Variants in TOGARAM1 observed in about 807,000 individuals in gnomAD.
TOGARAM1 encodes the protein TOG array regulator of axonemal microtubules 1.
TOGARAM1 carries 100 observed loss-of-function variants against 166.6 expected under a neutral mutation model. That is an observed-to-expected ratio of 0.60 (90% CI 0.51 to 0.71). The LOEUF is 0.71. Among genes scored for constraint, TOGARAM1 ranks in the 30% least tolerant of loss-of-function variants. TOGARAM1 has a pLI of 0.00. For missense variants in TOGARAM1, 2,029 were observed against 2,102.7 expected (o/e 0.96, Z 0.69); for synonymous variants, 758 against 763.8 (o/e 0.99, Z 0.13).
chr14:45,006,196 T>G lies in TOGARAM1; in HGVS notation c.2833T>G (p.Cys945Gly). 1 of 1,613,480 alleles carries G rather than the reference T, an allele frequency of 6.2e-7. No homozygotes were observed. Among genetic ancestry groups the G allele is most frequent in the Non-Finnish European group, 8.5e-7 (1 of 1,179,532 alleles). ...GAAAGAGCCTGATGATATTTGGAAG[T>G]GTGAAAAAGATAGTCTTCCAATTGA... ...KKKEPDDIWK[C>G]EKDSLPIDLS... Residue 945 changes from cysteine (C) to glycine (G), a missense_variant, in exon 5 of 20, where the codon TGT becomes GGT. Physicochemically the swap from Cys to Gly is radical, Grantham distance 159. This residue lies in a region of TOGARAM1 where 1,453 missense variants were observed against 1,432.2 expected (regional missense o/e 1.01). Coordinates refer to ENST00000361462, the MANE Select transcript of TOGARAM1 (RefSeq NM_001308120.2).
At chr14:44,994,620 T>A (rs762893848) in intron 1 of TOGARAM1, among the ~76,000 whole-genome samples, 8 of 152,172 alleles carry the variant, frequency 5.3e-5, no homozygotes, top group South Asian at 2.1e-4. Flanking sequence ...GATTTCACTA[T>A]GTTGCCAAGG....
At chr14:45,002,883 G>T (rs1417412565) in intron 3 of TOGARAM1, among the ~76,000 whole-genome samples, 2 of 152,166 alleles carry the variant, frequency 1.3e-5, no homozygotes, top group African/African-American at 4.8e-5. Context: ...GGAGGCTGAA[G>T]CAGGAGAATG....
chr14:45,049,088 A>C (rs1175679496), intron 14 of TOGARAM1, among the ~76,000 whole-genome samples: 2 of 119,210 alleles, frequency 1.7e-5, no homozygotes, highest in African/African-American at 3.1e-5. Context: ...AAAAAAAAAG[A>C]CTGAGGTCTG....
Position 45,066,813 on chromosome 14 carries a change from C to T in TOGARAM1, c.4749+46C>T, listed in dbSNP as rs770332747. 25 of 1,496,892 alleles carry T rather than the reference C, an allele frequency of 1.7e-5. No homozygotes were observed. In the East Asian group the frequency reaches 4.3e-4, roughly 26 times the overall value. 92.7% of individuals were successfully genotyped at this position (1,496,892 alleles called of 1,614,324 possible). Reference sequence around the variant, plus strand: ...ATTTTAATGTGGGTATGGTGGCTCACGCCTGTAATCCAAGCACTTTGGGAA... The same window carrying T: ...ATTTTAATGTGGGTATGGTGGCTCATGCCTGTAATCCAAGCACTTTGGGAA... On this transcript the variant is annotated intron_variant, in intron 17 of 19. Coordinates refer to ENST00000361462, the MANE Select transcript of TOGARAM1 (RefSeq NM_001308120.2).
chr14:45,039,220 G>A (rs1881596189), intron 11 of TOGARAM1, among the ~76,000 whole-genome samples: 1 of 152,160 alleles, frequency 6.6e-6, no homozygotes, highest in African/African-American at 2.4e-5. Context: ...TTTCTCCACA[G>A]GCAGGTCATC....
intron 1 of TOGARAM1, among the ~76,000 whole-genome samples, chr14:44,984,248 G>A (rs1028063814): frequency 2.6e-5 from 4 of 151,798 alleles, no homozygotes; most frequent in African/African-American, 9.7e-5. Flanking sequence ...CGGTTAAAAT[G>A]ATTTAAAACA....
At chr14:45,012,690 C>T (rs1879880346) in intron 7 of TOGARAM1, among the ~76,000 whole-genome samples, 1 of 152,126 alleles carries the variant, frequency 6.6e-6, no homozygotes, top group East Asian at 1.9e-4. Context: ...TAAACTGTAA[C>T]AAATTGGTAT....
At chr14:44,975,642 T>G (rs1290103526) in intron 1 of TOGARAM1, among the ~76,000 whole-genome samples, 1 of 152,104 alleles carries the variant, frequency 6.6e-6, no homozygotes, top group African/African-American at 2.4e-5. Context: ...AATTTTTGTA[T>G]TTTTAGTGGA....
Position 45,011,960 on chromosome 14 carries a change from T to C in TOGARAM1, c.3138-15T>C. ...AAATCTTAATGTTTATTGAAATTAC[T>C]TTGTTTCATTGCAGGTCAGACATAT... On this transcript the variant is annotated splice_polypyrimidine_tract_variant and intron_variant, in intron 6 of 19. Transcript: ENST00000361462. 6.4e-7 allele frequency: 1 copy of C among 1,570,460 alleles called. No homozygotes were observed. Among genetic ancestry groups the C allele is most frequent in the Non-Finnish European group, 8.7e-7 (1 of 1,151,552 alleles).
intron 1 of TOGARAM1, among the ~76,000 whole-genome samples, chr14:44,980,836 G>A (rs1438953637): frequency 6.6e-6 from 1 of 152,026 alleles, no homozygotes; most frequent in African/African-American, 2.4e-5. Flanking sequence ...TTTTGGGGGA[G>A]GGGGTCTTTT....
At chr14:44,981,770 A>G (rs1336197111) in intron 1 of TOGARAM1, among the ~76,000 whole-genome samples, 2 of 151,888 alleles carry the variant, frequency 1.3e-5, no homozygotes, top group Non-Finnish European at 2.9e-5. Context: ...TGCTTTCAGT[A>G]TAATTTCAGT....
intron 1 of TOGARAM1, among the ~76,000 whole-genome samples, chr14:44,990,501 T>G (rs1887066820): frequency 6.6e-6 from 1 of 152,252 alleles, no homozygotes; most frequent in African/African-American, 2.4e-5. Flanking sequence ...AGGGACAATA[T>G]ATTAGTGAAA....
At position 45,008,814 on chromosome 14, in the gene TOGARAM1, G is replaced by A. The variant is rs1879614127; in HGVS notation, c.2905-99G>A. On this transcript the variant is annotated intron_variant, in intron 5 of 19. Transcript: ENST00000361462. ...TGTTTTAGTACAGGATTGGGAAGTGGTTAGCTAGGTATAGCTAATGGAGTT... is the reference window on the plus strand; with the variant it reads ...TGTTTTAGTACAGGATTGGGAAGTGATTAGCTAGGTATAGCTAATGGAGTT... The A allele has an allele frequency of 5.0e-6, 4 of 802,872 alleles. No individual in the cohort carries two copies. In the African/African-American group the frequency reaches 7.0e-5, roughly 14 times the overall value. 49.7% of individuals were successfully genotyped at this position (802,872 alleles called of 1,614,324 possible).
intron 2 of TOGARAM1, among the ~76,000 whole-genome samples, chr14:44,998,366 C>T (rs1887533259): frequency 6.6e-6 from 1 of 152,188 alleles, no homozygotes; most frequent in South Asian, 2.1e-4. Context: ...GAAAGGAAAA[C>T]ATAGGTATTG....
At chr14:45,014,960 A>G (rs1257704161) in intron 7 of TOGARAM1, among the ~76,000 whole-genome samples, 3 of 152,016 alleles carry the variant, frequency 2.0e-5, no homozygotes, top group Admixed American at 6.6e-5. Context: ...TGCCCCAGCT[A>G]CCTCCTCTTC....
chr14:45,048,551 T>G (rs1013324273), intron 14 of TOGARAM1, among the ~76,000 whole-genome samples: 1 of 152,130 alleles, frequency 6.6e-6, no homozygotes, highest in Non-Finnish European at 1.5e-5. Flanking sequence ...GGCAACCACA[T>G]TTTTTGGCTT....
chr14:44,995,819 G>C lies in TOGARAM1; in HGVS notation c.2120G>C (p.Cys707Ser). 1 of 1,608,520 alleles carries C rather than the reference G, an allele frequency of 6.2e-7. No individual in the cohort carries two copies. Among genetic ancestry groups the C allele is most frequent in the Non-Finnish European group, 8.5e-7 (1 of 1,178,154 alleles). Residue 707 changes from cysteine (C) to serine (S), a missense_variant, in exon 2 of 20, where the codon TGT becomes TCT. Physicochemically the swap from Cys to Ser is moderately radical, Grantham distance 112. Transcript: ENST00000361462. Reference sequence around the variant, plus strand: ...GGAATGCCAGTCAATGATGATTTATGTTTTAGCAGAAAAAGAGTATCAAGA... The same window carrying C: ...GGAATGCCAGTCAATGATGATTTATCTTTTAGCAGAAAAAGAGTATCAAGA... ...SQGMPVNDDL[C>S]FSRKRVSRNL... is the part of the protein sequence containing the mutation.
chr14:45,009,616 A>G (rs1397550829), intron 6 of TOGARAM1, among the ~76,000 whole-genome samples: 1 of 152,236 alleles, frequency 6.6e-6, no homozygotes, highest in Non-Finnish European at 1.5e-5. Context: ...ACTTCATGCC[A>G]TAGCTCTCAT....
chr14:45,003,650 A>T (rs1393070698), intron 3 of TOGARAM1, among the ~76,000 whole-genome samples: 3 of 152,176 alleles, frequency 2.0e-5, no homozygotes, highest in Admixed American at 2.0e-4. Context: ...AAGCAAATAG[A>T]AACATGTTGA....
Sources: allele counts gnomAD v4.1 joint callset (sites outside exome capture counted in the v4.1 genomes callset), GRCh38; gene constraint gnomAD v4.1.1; regional missense constraint gnomAD v4.1.1; transcripts MANE v1.5; gene names NCBI Gene and HGNC (gene_info 2026-07-23, HGNC 2026-07-21).